Variants in TICRR observed in about 807,000 individuals in gnomAD.
TICRR encodes the protein TOPBP1 interacting checkpoint and replication regulator, also known as treslin.
Under a neutral mutation model 178.1 loss-of-function variants are expected in TICRR, and 132 were observed. That is an observed-to-expected ratio of 0.74 (90% CI 0.64 to 0.86). The LOEUF is 0.86. Ranked by LOEUF, TICRR falls within the 40% of genes least tolerant of loss-of-function variation. The pLI, the probability that TICRR is intolerant of heterozygous loss-of-function variation, is 0.00. For missense variants in TICRR, 2,587 were observed against 2,334.3 expected (o/e 1.11, Z -2.23); for synonymous variants, 991 against 900.7 (o/e 1.10, Z -1.79).
At position 89,625,118 on chromosome 15, in the gene TICRR, C is replaced by T. The variant is rs371605375; in HGVS notation, c.4808C>T (p.Pro1603Leu). 8 of 1,613,940 alleles carry T rather than the reference C, an allele frequency of 5.0e-6. No individual in the cohort carries two copies. The highest frequency in any genetic ancestry group is 6.8e-6 in the Non-Finnish European group (8 of 1,179,976). ...TCTCTGGGAGAAGAGAGCTTCCTCC[C>T]TGCTCTCAGCATGCCCAGGGCCAGC... The part of the protein sequence containing the change: ...ESSLGEESFL[P>L]ALSMPRASRS... Residue 1603 changes from proline to leucine, a missense_variant, in exon 20 of 22, where the codon CCT (proline) becomes CTT (leucine). Coordinates refer to ENST00000268138, the MANE Select transcript of TICRR (RefSeq NM_152259.4).
At chr15:89,591,941 C>T (rs35892197) in intron 4 of TICRR, 106 bp from the exon 5 acceptor site, 473,018 of 982,478 alleles carry the variant, frequency 0.48, 117,221 homozygotes, top group Non-Finnish European at 0.52. Context: ...CTTTGTATGT[C>T]CTTTGGAGGG....
Position 89,623,547 on chromosome 15 carries a change from C to G in TICRR, c.3313-76C>G, listed in dbSNP as rs1258698831. 2.8e-6 allele frequency: 4 copies of G among 1,412,932 alleles called. No homozygotes were observed. The African/African-American group carries it at 4.3e-5, about 15-fold the overall frequency. 87.5% of individuals were successfully genotyped at this position (1,412,932 alleles called of 1,614,324 possible). A position where few individuals can be genotyped will look rare whatever the true frequency, so the allele number is the denominator to read the frequency against. On this transcript the variant is annotated intron_variant, in intron 19 of 21. Coordinates refer to ENST00000268138, the MANE Select transcript of TICRR (RefSeq NM_152259.4). ...GCTGACTATAAATCTCCCATTTGGTCTTAGAGATTACTAAAACACTTCAGA... is the reference window on the plus strand; with the variant it reads ...GCTGACTATAAATCTCCCATTTGGTGTTAGAGATTACTAAAACACTTCAGA...
At chr15:89,609,036 T>G in intron 15 of TICRR, 87 bp downstream of exon 15, 1 of 1,290,826 alleles carries the variant, frequency 7.7e-7, no homozygotes, top group Non-Finnish European at 1.0e-6. Context: ...CCTGATTTAG[T>G]AATTTGAGTC....
chr15:89,595,338 T>A, intron 6 of TICRR, 55 bp from the exon 7 acceptor site: 1 of 1,258,316 alleles, frequency 7.9e-7, no homozygotes, highest in Non-Finnish European at 1.2e-6. Context: ...GTAGTTCTTC[T>A]TTCCACAGAA....
At chr15:89,614,136 A>G (rs1297587905) in intron 15 of TICRR, among the ~76,000 whole-genome samples, 1 of 152,110 alleles carries the variant, frequency 6.6e-6, no homozygotes, top group African/African-American at 2.4e-5. Flanking sequence ...CCTGGGCAAC[A>G]GAGCGAGACT....
At chr15:89,576,673 T>C (rs1201274819) in intron 1 of TICRR, among the ~76,000 whole-genome samples, 1 of 152,020 alleles carries the variant, frequency 6.6e-6, no homozygotes, top group Non-Finnish European at 1.5e-5. Context: ...AGCGTCTGAA[T>C]TGCCATACAC....
rs756785291 is a variant in TICRR, at chr15:89,584,495, G to A, written c.1144G>A (p.Val382Ile). The A allele has an allele frequency of 5.0e-6, 8 of 1,595,936 alleles. No homozygotes were observed. In the Admixed American group the frequency reaches 1.4e-4, roughly 28 times the overall value. Residue 382 changes from valine to isoleucine, a missense_variant, in exon 3 of 22, where the codon GTA becomes ATA. By Grantham distance (29) the Val-to-Ile change is conservative. Transcript: ENST00000268138. ...ATQRLLFQQL[V>I]SRLTAEELHL... ...TCAAAGGCTGTTATTTCAGCAGTTG[G>A]TAAGCAGGCTGACTGCTGAAGAGTT...
chr15:89,594,446 G>C lies in TICRR; in HGVS notation c.1573G>C (p.Glu525Gln). Residue 525 changes from glutamate to glutamine, a missense_variant, in exon 6 of 22, where the codon GAG becomes CAG. By Grantham distance (29) the Glu-to-Gln change is conservative. Transcript: ENST00000268138. Reference sequence around the variant, plus strand: ...ACAGGCTGCCTCAGCTAATAAGGAAGAGTCTTCCAAAACTGAAGGCGAATT... The same window carrying C: ...ACAGGCTGCCTCAGCTAATAAGGAACAGTCTTCCAAAACTGAAGGCGAATT... ...LLQAASANKE[E>Q]SSKTEGELIH... 1 of 1,612,870 alleles carries C rather than the reference G, an allele frequency of 6.2e-7. No homozygotes were observed.
rs188344261 is a variant in TICRR at position 89,627,264 on chromosome 15, C to T, written c.*178C>T. On this transcript the variant is annotated 3_prime_UTR_variant, in exon 22 of 22. Transcript: ENST00000268138. ...TCCAATCCATCTCCTGGCCCTGCCC[C>T]TTGTTGGGGAAGTTGCAGGAGGAGA... The T allele has an allele frequency of 5.5e-6, 4 of 729,240 alleles. No homozygotes were observed. The highest frequency in any genetic ancestry group is 6.0e-5 in the Admixed American group (2 of 33,224). The allele number at this position is 729,240 out of a possible 1,614,324, so 45.2% of individuals were successfully genotyped here. A position where few individuals can be genotyped will look rare whatever the true frequency, so the allele number is the denominator to read the frequency against.
At chr15:89,584,653 A>T in intron 3 of TICRR, 126 bp downstream of exon 3, 1 of 957,642 alleles carries the variant, frequency 1.0e-6, no homozygotes, top group Non-Finnish European at 1.4e-6. Flanking sequence ...TGCAAATAAT[A>T]TTGTTGACAT....
intron 8 of TICRR, among the ~76,000 whole-genome samples, chr15:89,600,060 C>T (rs757596222): frequency 6.6e-6 from 1 of 152,160 alleles, no homozygotes; most frequent in Admixed American, 6.5e-5. Flanking sequence ...GAGGCAAGAT[C>T]GTACCATTGC....
chr15:89,590,951 G>T (rs906246526), intron 4 of TICRR, among the ~76,000 whole-genome samples: 3 of 152,142 alleles, frequency 2.0e-5, no homozygotes, highest in African/African-American at 4.8e-5. Context: ...TGAAATTTCT[G>T]TTACTGTTCC....
Position 89,584,457 on chromosome 15 carries a change from A to C in TICRR, c.1106A>C (p.Glu369Ala), listed in dbSNP as rs1342305247. Residue 369 changes from glutamate (E) to alanine (A), a missense_variant, in exon 3 of 22, where the codon GAG becomes GCG. Physicochemically the swap from Glu to Ala is moderately radical, Grantham distance 107. Transcript: ENST00000268138. ...TDSWMLGSPE[E>A]STATQRLLFQ... ...AGCTGGATGCTAGGAAGTCCAGAGGAGAGCACAGCAACTCAAAGGCTGTTA... is the reference window on the plus strand; with the variant it reads ...AGCTGGATGCTAGGAAGTCCAGAGGCGAGCACAGCAACTCAAAGGCTGTTA... The C allele has an allele frequency of 1.2e-6, 2 of 1,611,874 alleles. No homozygotes were observed. The highest frequency in any genetic ancestry group is 3.4e-5 in the Admixed American group (2 of 59,550).
chr15:89,590,201 G>A (rs1240339741), intron 4 of TICRR, among the ~76,000 whole-genome samples: 1 of 151,938 alleles, frequency 6.6e-6, no homozygotes, highest in Non-Finnish European at 1.5e-5. Flanking sequence ...AGAAGAATAC[G>A]GGTTGAAAGG....
rs552868435 is a variant in TICRR, at chr15:89,583,754, C to T, written c.935-532C>T. ...GCAGTGGTACGATCATAGCTCAGAT[C>T]GCAGCTCACTGAGCCTCGACTTCCT... On this transcript the variant is annotated intron_variant, in intron 2 of 21. Coordinates refer to ENST00000268138, the MANE Select transcript of TICRR (RefSeq NM_152259.4). Among the ~76,000 whole-genome samples, 13 of 152,140 alleles carry T rather than the reference C, an allele frequency of 8.5e-5. No homozygotes were observed. The East Asian group carries it at 9.7e-4, about 11-fold the overall frequency.
At chr15:89,581,834 T>C (rs1962731437) in intron 1 of TICRR, among the ~76,000 whole-genome samples, 1 of 152,082 alleles carries the variant, frequency 6.6e-6, no homozygotes, top group South Asian at 2.1e-4. Flanking sequence ...GAGGAACGAT[T>C]AGAGGCAGAG....
chr15:89,627,020 G>A lies in TICRR; in HGVS notation c.5667G>A (p.Arg1889=), dbSNP rs1963541929. The A allele has an allele frequency of 1.2e-6, 2 of 1,614,062 alleles. No homozygotes were observed. Among genetic ancestry groups the A allele is most frequent in the Non-Finnish European group, 1.7e-6 (2 of 1,180,016 alleles). ...EDSPFSRAFS[R]RRPISRTYTR... is the part of the protein sequence containing the mutation. ...CTCCTTTCAGTCGCGCTTTCTCCAG[G>A]AGGCGCCCCATCAGCAGAACTTATA... is the stretch of plus-strand genomic sequence containing the variant. The change falls in exon 22 of 22, where the codon AGG becomes AGA. Residue 1889 remains arginine (R), a synonymous_variant. Coordinates refer to ENST00000268138, the MANE Select transcript of TICRR (RefSeq NM_152259.4).
chr15:89,582,913 G>A lies in TICRR; in HGVS notation c.882G>A (p.Glu294=), dbSNP rs1450798774. 6.2e-7 allele frequency: 1 copy of A among 1,614,006 alleles called. No individual in the cohort carries two copies. Among genetic ancestry groups the A allele is most frequent in the South Asian group, 1.1e-5 (1 of 91,074 alleles). Reference sequence around the variant, plus strand: ...ACCGTTTGCTCTACAATTCTCCTGAGTATGAGGCCTCGTTTCCACGAATGG... The same window carrying A: ...ACCGTTTGCTCTACAATTCTCCTGAATATGAGGCCTCGTTTCCACGAATGG... ...TLNRLLYNSP[E]YEASFPRMEG... The change falls in exon 2 of 22, where the codon GAG becomes GAA. Residue 294 remains glutamate, a synonymous_variant. Coordinates refer to ENST00000268138, the MANE Select transcript of TICRR (RefSeq NM_152259.4).
At chr15:89,621,900 A>G (rs908128661) in intron 19 of TICRR, among the ~76,000 whole-genome samples, 28 of 151,816 alleles carry the variant, frequency 1.8e-4, no homozygotes, top group African/African-American at 6.3e-4. Flanking sequence ...CACCAACATT[A>G]GAAACCTGGG....
Sources: allele counts gnomAD v4.1 joint callset (sites outside exome capture counted in the v4.1 genomes callset), GRCh38; gene constraint gnomAD v4.1.1; transcripts MANE v1.5; gene names NCBI Gene and HGNC (gene_info 2026-07-23, HGNC 2026-07-21).